The following AIM2 variants were observed in gnomAD, a reference collection of about 807,000 sequenced individuals.
AIM2 encodes the protein interferon-inducible protein AIM2.
AIM2 carries 30 observed loss-of-function variants against 27.7 expected under a neutral mutation model. The ratio of observed to expected loss-of-function variants is 1.08; its 90% confidence interval spans 0.81 to 1.47. The LOEUF is 1.47. Ranked by LOEUF, AIM2 falls within the 40% of genes most tolerant of loss-of-function variation. AIM2 has a pLI of 0.00. For missense variants in AIM2, 358 were observed against 411.3 expected (o/e 0.87, Z 1.12); for synonymous variants, 141 against 145.3 (o/e 0.97, Z 0.21).
chr1:159,066,652 G>A (rs1329632535), intron 3 of AIM2, among the ~76,000 whole-genome samples: 5 of 152,236 alleles, frequency 3.3e-5, no homozygotes, highest in Non-Finnish European at 7.4e-5. Context: ...GCTAAGCCTC[G>A]GGGTAAATCT....
downstream of AIM2, among the ~76,000 whole-genome samples, chr1:159,059,252 C>A (rs182233193): frequency 1.8e-4 from 27 of 151,486 alleles, no homozygotes; most frequent in Admixed American, 1.6e-3. Flanking sequence ...TATTCTTATA[C>A]ACACACACAC....
At chr1:159,114,308 C>T (rs757439900) in intron 1 of AIM2, among the ~76,000 whole-genome samples, 8 of 152,140 alleles carry the variant, frequency 5.3e-5, no homozygotes, top group Non-Finnish European at 1.2e-4. Flanking sequence ...GAAAACTGAG[C>T]CTGGGAGAAG....
chr1:159,133,436 C>T (rs763964000), intron 1 of AIM2, among the ~76,000 whole-genome samples: 2 of 152,092 alleles, frequency 1.3e-5, no homozygotes, highest in African/African-American at 2.4e-5. Context: ...TTTTGTTTGA[C>T]TCCTCATAGC....
At chr1:159,136,014 A>T (rs767344079) in intron 1 of AIM2, among the ~76,000 whole-genome samples, 1 of 152,002 alleles carries the variant, frequency 6.6e-6, no homozygotes, top group Non-Finnish European at 1.5e-5. Flanking sequence ...TCCTAACACG[A>T]CCCTTTCCAC....
In AIM2 at chr1:159,133,173, T is replaced by TTC. The variant is rs146143896; in HGVS notation, c.-16+7256_-16+7257dup. 3.8e-3 allele frequency among the ~76,000 whole-genome samples: 571 copies of TTC among 149,584 alleles called. 2 individuals carry two copies. The highest frequency in any genetic ancestry group is 5.3e-3 in the Non-Finnish European group (358 of 67,496). On this transcript the variant is annotated intron_variant, in intron 1 of 2. Coordinates refer to the AIM2 transcript ENST00000368129. ...GCTTCTATTTATGTACTTGCTCTTGTTCTCTCTCTCTCTCTCTCTTTCTCT... is the reference window on the plus strand; with the variant it reads ...GCTTCTATTTATGTACTTGCTCTTGTTCTCTCTCTCTCTCTCTCTCTTTCTCT...
At chr1:159,120,466 T>C (rs1002408) in intron 1 of AIM2, among the ~76,000 whole-genome samples, 11,818 of 152,236 alleles carry the variant, frequency 0.078, 1,157 homozygotes, top group African/African-American at 0.23. Flanking sequence ...TGTGTCATTA[T>C]CACAGCTATT....
chr1:159,068,589 T>G lies in AIM2; in HGVS notation c.375A>C (p.Pro125=). The G allele has an allele frequency of 1.2e-6, 2 of 1,612,986 alleles. No individual in the cohort carries two copies. Among genetic ancestry groups the G allele is most frequent in the Non-Finnish European group, 1.7e-6 (2 of 1,179,556 alleles). The change falls in exon 3 of 6, where the codon CCA becomes CCC. Residue 125 remains proline, a synonymous_variant. Transcript: ENST00000368130. ...CTACCTTAACATGAGGAGAGACTTT[T>G]GGTGCAGCACGTTGCTTTGCGACAT... The part of the protein sequence containing the change: ...RNDVAKQRAA[P]KVSPHVKPEQ...
upstream of AIM2, among the ~76,000 whole-genome samples, chr1:159,077,057 T>G (rs189810777): frequency 6.6e-6 from 1 of 152,368 alleles, no homozygotes; most frequent in Admixed American, 6.5e-5. Flanking sequence ...ACAAGCACAC[T>G]GATCTCAGAG....
intron 2 of AIM2, 141 bp from the exon 3 acceptor site, chr1:159,068,842 AT>A: frequency 1.0e-6 from 1 of 959,458 alleles, no homozygotes; most frequent in East Asian, 3.0e-5. Context: ...AAAAAATCAT[AT>A]TTTAAAATGA....
intron 1 of AIM2, among the ~76,000 whole-genome samples, chr1:159,089,183 C>T (rs1468416774): frequency 6.6e-6 from 1 of 152,136 alleles, no homozygotes; most frequent in Non-Finnish European, 1.5e-5. Flanking sequence ...GACCTAGGTG[C>T]TTATAAGCAT....
chr1:159,111,984 G>A (rs566624434), intron 1 of AIM2, among the ~76,000 whole-genome samples: 18 of 152,154 alleles, frequency 1.2e-4, no homozygotes, highest in Admixed American at 8.5e-4. Context: ...GGAGGTTGCA[G>A]TGAGCCAAGA....
upstream of AIM2, among the ~76,000 whole-genome samples, chr1:159,080,274 T>C (rs1244509260): frequency 6.6e-6 from 1 of 152,218 alleles, no homozygotes; most frequent in Non-Finnish European, 1.5e-5. Flanking sequence ...AATTGGTTTT[T>C]AATACAATGA....
chr1:159,090,821 G>A (rs151213213), intron 1 of AIM2, among the ~76,000 whole-genome samples: 12 of 152,270 alleles, frequency 7.9e-5, no homozygotes, highest in East Asian at 7.7e-4. Flanking sequence ...ATTTTTGATC[G>A]TTCTTTGAGT....
chr1:159,081,425 C>T, upstream of AIM2: 1 of 408,200 alleles, frequency 2.4e-6, no homozygotes, highest in South Asian at 1.8e-5. Context: ...TAATGCTTGT[C>T]AGGAGACATG....
At chr1:159,058,401 G>C (rs1272780169), downstream of AIM2, among the ~76,000 whole-genome samples, 2 of 151,850 alleles carry the variant, frequency 1.3e-5, no homozygotes, top group Admixed American at 1.3e-4. Flanking sequence ...CTTGACCTGG[G>C]GAGGGAGAGA....
At chr1:159,131,364 T>C (rs1647868990) in intron 1 of AIM2, among the ~76,000 whole-genome samples, 1 of 152,228 alleles carries the variant, frequency 6.6e-6, no homozygotes, top group Admixed American at 6.5e-5. Flanking sequence ...TGTATATGTA[T>C]ACATATGTGT....
intron 1 of AIM2, among the ~76,000 whole-genome samples, chr1:159,146,276 C>G (rs947658731): frequency 2.0e-5 from 3 of 152,020 alleles, no homozygotes; most frequent in Non-Finnish European, 4.4e-5. Flanking sequence ...CTGCTTCACC[C>G]AAACCCAAGA....
upstream of AIM2, among the ~76,000 whole-genome samples, chr1:159,077,623 C>G (rs1318793842): frequency 4.6e-5 from 7 of 152,172 alleles, no homozygotes; most frequent in Admixed American, 6.5e-5. Context: ...AATCCCTCTG[C>G]TAACCTTTTT....
At chr1:159,131,957 T>C (rs751167768) in intron 1 of AIM2, among the ~76,000 whole-genome samples, 18 of 152,272 alleles carry the variant, frequency 1.2e-4, no homozygotes, top group Non-Finnish European at 1.9e-4. Context: ...AAAGAACGTA[T>C]TTTAATGTTC....
Sources: allele counts gnomAD v4.1 joint callset (sites outside exome capture counted in the v4.1 genomes callset), GRCh38; gene constraint gnomAD v4.1.1; transcripts MANE v1.5; gene names NCBI Gene and HGNC (gene_info 2026-07-23, HGNC 2026-07-21).